Variants in NIM1K observed in about 807,000 individuals in gnomAD.
NIM1K encodes the protein serine/threonine-protein kinase NIM1.
NIM1K carries 35 observed loss-of-function variants against 37.1 expected under a neutral mutation model. The ratio of observed to expected loss-of-function variants is 0.94; its 90% CI spans 0.72 to 1.25. The LOEUF (loss-of-function observed/expected upper bound fraction) is 1.25, where lower values mean the gene tolerates loss of function less well. Ranked by LOEUF, NIM1K falls within the 50% of genes most tolerant of loss-of-function variation. The pLI is 0.00. For missense variants in NIM1K, 564 were observed against 548.0 expected (o/e 1.03, Z -0.29); for synonymous variants, 234 against 206.6 (o/e 1.13, Z -1.14).
chr5:43,271,780 TATC>T (rs1753260585), intron 2 of NIM1K, among the ~76,000 whole-genome samples: 1 of 152,170 alleles, frequency 6.6e-6, no homozygotes, highest in Admixed American at 6.5e-5. Flanking sequence ...ACAAGTCCAT[TATC>T]ACAAGGGCCC....
intron 1 of NIM1K, among the ~76,000 whole-genome samples, chr5:43,203,381 C>G (rs1279403672): frequency 6.6e-6 from 1 of 152,210 alleles, no homozygotes; most frequent in African/African-American, 2.4e-5. Context: ...GTGCCAGTCA[C>G]CGAGTTTTGG....
intron 2 of NIM1K, among the ~76,000 whole-genome samples, chr5:43,254,493 T>C (rs967585078): frequency 6.6e-6 from 1 of 152,220 alleles, no homozygotes; most frequent in African/African-American, 2.4e-5. Flanking sequence ...CTATATCACA[T>C]TGATCCTTAA....
At chr5:43,274,071 T>C (rs1753301027) in intron 2 of NIM1K, among the ~76,000 whole-genome samples, 1 of 152,162 alleles carries the variant, frequency 6.6e-6, no homozygotes, top group Non-Finnish European at 1.5e-5. Flanking sequence ...ATCATACATT[T>C]ATATTATGAG....
chr5:43,228,912 G>A (rs1189464426), intron 1 of NIM1K, among the ~76,000 whole-genome samples: 1 of 152,074 alleles, frequency 6.6e-6, no homozygotes, highest in Non-Finnish European at 1.5e-5. Flanking sequence ...ACTGAGTTAA[G>A]CACACAAAAA....
At chr5:43,273,271 T>C (rs1469753078) in intron 2 of NIM1K, among the ~76,000 whole-genome samples, 1 of 151,944 alleles carries the variant, frequency 6.6e-6, no homozygotes, top group African/African-American at 2.4e-5. Flanking sequence ...TGGTGTGATC[T>C]TGGCTCACTG....
At chr5:43,208,538 G>T (rs762344611) in intron 1 of NIM1K, among the ~76,000 whole-genome samples, 1 of 151,982 alleles carries the variant, frequency 6.6e-6, no homozygotes, top group African/African-American at 2.4e-5. Flanking sequence ...GGAAGTGGAG[G>T]TTGCAGTGAG....
chr5:43,193,120 C>A (rs1751857478), intron 1 of NIM1K: 1 of 152,120 alleles, frequency 6.6e-6, no homozygotes, highest in Non-Finnish European at 1.5e-5. Context: ...CTCCAGGACT[C>A]CTTGATACGA....
intron 1 of NIM1K, chr5:43,232,027 G>A (rs1038657181): frequency 3.9e-6 from 4 of 1,020,590 alleles, no homozygotes; most frequent in Non-Finnish European, 5.9e-6. Flanking sequence ...AATGGCTGTG[G>A]TATTGCTCAG....
chr5:43,280,042 T>G lies in NIM1K; in HGVS notation c.624T>G (p.Thr208=). 6.2e-7 allele frequency: 1 copy of G among 1,614,110 alleles called. No individual in the cohort carries two copies. The highest frequency in any genetic ancestry group is 8.5e-7 in the Non-Finnish European group (1 of 1,179,972). Reference sequence around the variant, plus strand: ...AAAATGTATTCTATACCAGTAATACTTGTGTGAAGGTGGGCGATTTTGGAT... The same window carrying G: ...AAAATGTATTCTATACCAGTAATACGTGTGTGAAGGTGGGCGATTTTGGAT... ...KAENVFYTSN[T]CVKVGDFGFS... The change falls in exon 4 of 4, where the codon ACT becomes ACG. Residue 208 remains threonine, a synonymous_variant. Transcript: ENST00000326035.
chr5:43,239,619 C>T (rs1389087144), intron 1 of NIM1K, among the ~76,000 whole-genome samples: 2 of 151,956 alleles, frequency 1.3e-5, no homozygotes, highest in Non-Finnish European at 2.9e-5. Flanking sequence ...CTCCGCCTCC[C>T]AGGTTCAAGT....
chr5:43,242,196 C>A (rs1472146058), intron 1 of NIM1K, among the ~76,000 whole-genome samples: 1 of 151,942 alleles, frequency 6.6e-6, no homozygotes, highest in Non-Finnish European at 1.5e-5. Context: ...GCAATTGTAC[C>A]TGTGCCCTCC....
intron 1 of NIM1K, among the ~76,000 whole-genome samples, chr5:43,235,441 T>C (rs995195862): frequency 6.6e-6 from 1 of 152,230 alleles, no homozygotes; most frequent in Admixed American, 6.5e-5. Context: ...TACTCAATTG[T>C]CAAGCTACTA....
intron 3 of NIM1K, among the ~76,000 whole-genome samples, chr5:43,279,581 G>T (rs1044909853): frequency 6.6e-6 from 1 of 152,204 alleles, no homozygotes; most frequent in Non-Finnish European, 1.5e-5. Flanking sequence ...AGCATGGCCG[G>T]AAAGTCAGGG....
intron 1 of NIM1K, among the ~76,000 whole-genome samples, chr5:43,224,695 G>GC (rs1554014223): frequency 2.3e-5 from 2 of 87,940 alleles, no homozygotes; most frequent in Non-Finnish European, 4.2e-5. Flanking sequence ...AATAACAAGT[G>GC]AATTTTTTTT....
chr5:43,229,866 T>C (rs781019830), intron 1 of NIM1K, among the ~76,000 whole-genome samples: 1 of 152,052 alleles, frequency 6.6e-6, no homozygotes, highest in Non-Finnish European at 1.5e-5. Context: ...ACTCCTGACC[T>C]CGTGATTTAC....
intron 2 of NIM1K, among the ~76,000 whole-genome samples, chr5:43,275,581 T>A (rs186494325): frequency 1.3e-3 from 193 of 152,332 alleles, no homozygotes; most frequent in Middle Eastern, 3.4e-3. Flanking sequence ...CTGTCAACAC[T>A]GGGTACTGGT....
In NIM1K at chr5:43,245,894, G is replaced by A. The variant is rs749428785; in HGVS notation, c.119G>A (p.Gly40Glu). 5.5e-5 allele frequency: 89 copies of A among 1,614,036 alleles called. No individual in the cohort carries two copies. The highest frequency in any genetic ancestry group is 4.8e-4 in the African/African-American group (36 of 74,926). ...QTESSKEGEE[G>E]QPRQLTPFEK... ...GAGAGTAGCAAGGAGGGTGAGGAGGGACAGCCCCGCCAGCTGACGCCCTTC... is the reference window on the plus strand; with the variant it reads ...GAGAGTAGCAAGGAGGGTGAGGAGGAACAGCCCCGCCAGCTGACGCCCTTC... Residue 40 changes from glycine (G) to glutamate (E), a missense_variant, in exon 2 of 4, where the codon GGA becomes GAA. By Grantham distance (98) the Gly-to-Glu change is moderately conservative (BLOSUM62 -2). Coordinates refer to ENST00000326035, the MANE Select transcript of NIM1K (RefSeq NM_153361.4).
chr5:43,205,960 C>T (rs1298578806), intron 1 of NIM1K, among the ~76,000 whole-genome samples: 1 of 152,102 alleles, frequency 6.6e-6, no homozygotes, highest in African/African-American at 2.4e-5. Context: ...GATCCGCCCG[C>T]CTCGACCTCC....
In NIM1K at chr5:43,229,728, C is replaced by A. The variant is rs189495073; in HGVS notation, c.-694-15354C>A. 4.4e-3 allele frequency among the ~76,000 whole-genome samples: 665 copies of A among 150,314 alleles called. 2 individuals are homozygous for A. The highest frequency in any genetic ancestry group is 7.0e-3 in the Non-Finnish European group (478 of 67,802). On this transcript the variant is annotated intron_variant, in intron 1 of 3. Coordinates refer to ENST00000326035, the MANE Select transcript of NIM1K (RefSeq NM_153361.4). The stretch of plus-strand genomic sequence containing the variant: ...CTCAGCTCACTGCAACTTCTGCCTC[C>A]TGAGTTCAAGTGATTCTTCTGCCTC...
Sources: gnomAD v4.1 joint callset for allele counts (sites outside exome capture counted in the v4.1 genomes callset) on GRCh38, gnomAD v4.1.1 for gene constraint, MANE v1.5 for transcripts, NCBI Gene and HGNC (gene_info 2026-07-23, HGNC 2026-07-21) for gene names.